Variants in PKHD1L1 observed in about 807,000 individuals in gnomAD.
PKHD1L1 encodes the protein fibrocystin-L.
Under a neutral mutation model 462.9 loss-of-function variants are expected in PKHD1L1, and 434 were observed. The ratio of observed to expected loss-of-function variants is 0.94; its 90% CI spans 0.87 to 1.02. The LOEUF is 1.02. Ranked by LOEUF, PKHD1L1 falls within the 50% of genes least tolerant of loss-of-function variation. PKHD1L1 has a pLI of 0.00. For synonymous variants in PKHD1L1, 1,781 were observed against 1,750.0 expected, an observed-to-expected ratio of 1.02 and a Z score of -0.44; for missense variants, 5,202 against 5,096.1, an observed-to-expected ratio of 1.02 and a Z score of -0.63.
chr8:109,451,899 G>T (rs1816538858), intron 41 of PKHD1L1, among the ~76,000 whole-genome samples: 1 of 152,050 alleles, frequency 6.6e-6, no homozygotes, highest in Non-Finnish European at 1.5e-5. Context: ...TGGAACATCT[G>T]CTAGTTACAG....
intron 39 of PKHD1L1, among the ~76,000 whole-genome samples, chr8:109,449,082 T>A (rs1007851577): frequency 6.6e-6 from 1 of 152,210 alleles, no homozygotes; most frequent in Non-Finnish European, 1.5e-5. Flanking sequence ...ACATCTTTTT[T>A]AAATAAAATT....
intron 46 of PKHD1L1, among the ~76,000 whole-genome samples, chr8:109,458,137 T>G (rs1280643288): frequency 6.6e-6 from 1 of 152,182 alleles, no homozygotes; most frequent in Non-Finnish European, 1.5e-5. Context: ...TATTTTATCC[T>G]TACTATCCTT....
In PKHD1L1 at chr8:109,518,247, G is replaced by C. The variant is rs372048656; in HGVS notation, c.11770G>C (p.Val3924Leu). The C allele has an allele frequency of 6.2e-7, 1 of 1,611,164 alleles. No individual in the cohort carries two copies. The highest frequency in any genetic ancestry group is 8.5e-7 in the Non-Finnish European group (1 of 1,177,716). Reference protein sequence around the residue: ...DGTYQMLYLLVKGTIPVEIHT... With the variant: ...DGTYQMLYLLLKGTIPVEIHT... ...AACCTACCAGATGCTTTATCTTTTG[G>C]TTAAAGGAACTATACCTGTTGAAAT... The change falls in exon 73 of 78, where the codon GTT (valine) becomes CTT (leucine). Residue 3924 changes from valine to leucine, a missense_variant. Around this residue, in one of 3 missense-constraint regions of PKHD1L1, gnomAD observed 698 missense variants for 736.3 expected, o/e 0.95. Transcript: ENST00000378402.
chr8:109,409,144 A>C (rs1242617856), intron 18 of PKHD1L1, among the ~76,000 whole-genome samples: 1 of 152,230 alleles, frequency 6.6e-6, no homozygotes, highest in African/African-American at 2.4e-5. Flanking sequence ...GGAGAAAATG[A>C]TATGGAAATT....
chr8:109,449,204 A>G (rs1816341585), intron 39 of PKHD1L1, 134 bp from the exon 40 acceptor site: 1 of 828,210 alleles, frequency 1.2e-6, no homozygotes. Context: ...ATAATGCACT[A>G]TAATTTCAGT....
chr8:109,400,237 T>C lies in PKHD1L1; in HGVS notation c.1174T>C (p.Phe392Leu), dbSNP rs368368663. 49 of 1,613,588 alleles carry C rather than the reference T, an allele frequency of 3.0e-5. No homozygotes were observed. Among genetic ancestry groups the C allele is most frequent in the Non-Finnish European group, 3.9e-5 (46 of 1,179,690 alleles). The change falls in exon 13 of 78, where the codon TTT (phenylalanine) becomes CTT (leucine). Residue 392 changes from phenylalanine (F) to leucine (L), a missense_variant. Physicochemically the swap from Phe to Leu is conservative, Grantham distance 22. This residue lies in a region of PKHD1L1 where 4,497 missense variants were observed against 4,336.8 expected (regional missense o/e 1.04). Transcript: ENST00000378402. Reference protein sequence around the residue: ...LMEQDTFVARFSGFLVAPDSD... With the variant: ...LMEQDTFVARLSGFLVAPDSD... ...GGAACAAGACACATTTGTTGCACGCTTTAGTGGATTTTTGGTGGCTCCAGA... is the reference window on the plus strand; with the variant it reads ...GGAACAAGACACATTTGTTGCACGCCTTAGTGGATTTTTGGTGGCTCCAGA...
intron 6 of PKHD1L1, among the ~76,000 whole-genome samples, chr8:109,387,142 T>C (rs1372431208): frequency 1.3e-5 from 2 of 152,096 alleles, no homozygotes; most frequent in East Asian, 3.8e-4. Flanking sequence ...TTGAGAGCAA[T>C]GGGCTGTGTT....
chr8:109,507,144 A>G (rs1563621333), intron 68 of PKHD1L1, among the ~76,000 whole-genome samples: 1 of 152,198 alleles, frequency 6.6e-6, no homozygotes, highest in East Asian at 1.9e-4. Flanking sequence ...GATGAGCCTA[A>G]AAGATTAGTA....
chr8:109,481,665 T>A, intron 56 of PKHD1L1, 103 bp downstream of exon 56: 1 of 1,081,406 alleles, frequency 9.2e-7, no homozygotes. Flanking sequence ...AAATACTTTA[T>A]CATAAAAAGT....
Position 109,435,175 on chromosome 8 carries a change from T to C in PKHD1L1, c.3341-15T>C. On this transcript the variant is annotated splice_polypyrimidine_tract_variant and intron_variant, in intron 28 of 77. Transcript: ENST00000378402. ...TGATTTACCATTTTCTTCATCTTTT[T>C]CTTTTTTTCACAAGAAAAAGAGCTC... The C allele has an allele frequency of 6.2e-7, 1 of 1,611,620 alleles. No individual in the cohort carries two copies. Among genetic ancestry groups the C allele is most frequent in the South Asian group, 1.1e-5 (1 of 90,490 alleles).
intron 14 of PKHD1L1, 41 bp from the exon 15 acceptor site, chr8:109,404,513 T>C (rs1342770864): frequency 1.6e-6 from 2 of 1,267,348 alleles, no homozygotes; most frequent in African/African-American, 1.5e-5. Flanking sequence ...TGGCAAGTGT[T>C]CTGGAAAAAA....
At chr8:109,438,658 GT>G (rs1031619344) in intron 31 of PKHD1L1, among the ~76,000 whole-genome samples, 75 of 147,740 alleles carry the variant, frequency 5.1e-4, no homozygotes, top group East Asian at 7.9e-4. Context: ...AAAATAGTAA[GT>G]TTTTTTTTTT....
In PKHD1L1 at chr8:109,510,853, G is replaced by C; in HGVS notation, c.11472G>C (p.Leu3824=). Reference sequence around the variant, plus strand: ...CCCTGTTTCACAGCATTGTGGCTCTGAACAAATCTTATGAAGTTTACTTCA... The same window carrying C: ...CCCTGTTTCACAGCATTGTGGCTCTCAACAAATCTTATGAAGTTTACTTCA... ...RLSLFHSIVA[L]NKSYEVYFTG... The change falls in exon 71 of 78, where the codon CTG becomes CTC. Residue 3824 remains leucine, a synonymous_variant. Coordinates refer to ENST00000378402, the MANE Select transcript of PKHD1L1 (RefSeq NM_177531.6). 1.2e-6 allele frequency: 2 copies of C among 1,613,336 alleles called. No individual in the cohort carries two copies. The highest frequency in any genetic ancestry group is 1.7e-6 in the Non-Finnish European group (2 of 1,179,516).
At chr8:109,451,659 G>A (rs984224441) in intron 41 of PKHD1L1, among the ~76,000 whole-genome samples, 1 of 152,210 alleles carries the variant, frequency 6.6e-6, no homozygotes, top group Non-Finnish European at 1.5e-5. Context: ...GCGGAAGGCT[G>A]AAGTCAAAAC....
intron 67 of PKHD1L1, among the ~76,000 whole-genome samples, chr8:109,502,310 G>A (rs963524535): frequency 6.6e-6 from 1 of 152,142 alleles, no homozygotes; most frequent in Non-Finnish European, 1.5e-5. Context: ...CCATACTAGT[G>A]TATAATTCCC....
intron 11 of PKHD1L1, among the ~76,000 whole-genome samples, chr8:109,397,532 GAA>G (rs150874438): frequency 1.3e-5 from 2 of 151,060 alleles, no homozygotes; most frequent in Non-Finnish European, 2.9e-5. Context: ...AGAAAAAAAA[GAA>G]AAAAAAATTA....
rs960769227 is a variant in PKHD1L1 at position 109,537,160 on chromosome 8, A to G, written c.*7070A>G. Among the ~76,000 whole-genome samples, 3 of 152,230 alleles carry G rather than the reference A, an allele frequency of 2.0e-5. No individual in the cohort carries two copies. On this transcript the variant is annotated 3_prime_UTR_variant, in exon 78 of 78. Transcript: ENST00000378402. ...AATGAATGTGACTTTATGATCTTGT[A>G]TTCAACTGTGAACAGCTGCTCATTA... is the stretch of plus-strand genomic sequence containing the variant.
intron 59 of PKHD1L1, among the ~76,000 whole-genome samples, chr8:109,489,271 T>C (rs1190887210): frequency 6.8e-6 from 1 of 147,352 alleles, no homozygotes; most frequent in African/African-American, 2.6e-5. Flanking sequence ...TGTGCCTCAG[T>C]TTTTTTTAAC....
rs777198960 is a variant in PKHD1L1 at position 109,425,151 on chromosome 8, A to C, written c.2764A>C (p.Ile922Leu). The change falls in exon 24 of 78, where the codon ATT (isoleucine) becomes CTT (leucine). Residue 922 changes from isoleucine (I) to leucine (L), a missense_variant. By Grantham distance (5) the Ile-to-Leu change is conservative (BLOSUM62 2). Around this residue, in one of 3 missense-constraint regions of PKHD1L1, gnomAD observed 4,497 missense variants for 4,336.8 expected, o/e 1.04. Transcript: ENST00000378402. The part of the protein sequence containing the change: ...RGNNWPGESK[I>L]HIQRIQAASP... ...AAATAATTGGCCAGGCGAGTCAAAA[A>C]TTCATATTCAAAGAATTCAAGCTGC... The C allele has an allele frequency of 1.8e-5, 29 of 1,611,086 alleles. No homozygotes were observed. In the South Asian group the frequency reaches 3.1e-4, roughly 17 times the overall value.
Sources: allele counts gnomAD v4.1 joint callset (sites outside exome capture counted in the v4.1 genomes callset), GRCh38; gene constraint gnomAD v4.1.1; regional missense constraint gnomAD v4.1.1; transcripts MANE v1.5; gene names NCBI Gene and HGNC (gene_info 2026-07-23, HGNC 2026-07-21).